Variants in CACNA1E observed in about 807,000 individuals in gnomAD.
CACNA1E encodes calcium voltage-gated channel subunit alpha1 E.
Under a neutral mutation model 259.2 loss-of-function variants are expected in CACNA1E, and 40 were observed. That is an observed-to-expected ratio of 0.15 (90% CI 0.12 to 0.20). The LOEUF is 0.20. Among genes scored for constraint, CACNA1E ranks in the 10% least tolerant of loss-of-function variants. The pLI, the probability that CACNA1E is intolerant of heterozygous loss-of-function variation, is 1.00. For missense variants in CACNA1E, 1,874 were observed against 3,040.1 expected, an observed-to-expected ratio of 0.62 and a Z score of 9.02; for synonymous variants, 1,104 against 1,138.5, an observed-to-expected ratio of 0.97 and a Z score of 0.61.
chr1:181,430,631 A>G (rs1371393582), intron 2 of CACNA1E, among the ~76,000 whole-genome samples: 1 of 152,176 alleles, frequency 6.6e-6, no homozygotes, highest in Non-Finnish European at 1.5e-5. Flanking sequence ...GTTGGGCCTT[A>G]CTTGCTTGTC....
rs1653809196 is a variant in CACNA1E at position 181,602,196 on chromosome 1, T to TC, written c.951+21420_951+21421insC. Reference sequence around the variant, plus strand: ...TTGCCTGTTTATTTTGTCTATTGGCTAAGTGATCCCACTAGAGTACAAGCT... The same window carrying TC: ...TTGCCTGTTTATTTTGTCTATTGGCTCAAGTGATCCCACTAGAGTACAAGCT... On this transcript the variant is annotated intron_variant, in intron 6 of 47. Transcript: ENST00000367573. 3.3e-5 allele frequency among the ~76,000 whole-genome samples: 5 copies of TC among 152,228 alleles called. No homozygotes were observed. In the South Asian group the frequency reaches 1.0e-3, roughly 32 times the overall value.
intron 6 of CACNA1E, among the ~76,000 whole-genome samples, chr1:181,618,456 T>C (rs1340165756): frequency 6.6e-6 from 1 of 152,088 alleles, no homozygotes; most frequent in Non-Finnish European, 1.5e-5. Flanking sequence ...TCCTGGTCAC[T>C]CGGGAGGCTG....
chr1:181,744,524 C>T (rs1487195159), intron 25 of CACNA1E, among the ~76,000 whole-genome samples: 2 of 152,322 alleles, frequency 1.3e-5, no homozygotes, highest in East Asian at 3.9e-4. Context: ...AATGCTCGTA[C>T]ACACTCACGC....
At chr1:181,756,128 G>C (rs1386530930) in intron 29 of CACNA1E, 35 bp downstream of exon 29, 6 of 1,582,772 alleles carry the variant, frequency 3.8e-6, no homozygotes, top group South Asian at 1.1e-5. Context: ...GTCTGTGGCT[G>C]TGATAGGACC....
intron 42 of CACNA1E, 56 bp from the exon 43 acceptor site, chr1:181,785,657 C>A: frequency 8.2e-7 from 1 of 1,223,848 alleles, no homozygotes; most frequent in Non-Finnish European, 1.2e-6. Context: ...ATTTTCCCCA[C>A]AGCAAACTCC....
At chr1:181,560,132 AC>A (rs1649166505) in intron 3 of CACNA1E, among the ~76,000 whole-genome samples, 1 of 152,090 alleles carries the variant, frequency 6.6e-6, no homozygotes, top group African/African-American at 2.4e-5. Context: ...ATCCAGGCCC[AC>A]CTAGACAGGG....
intron 1 of CACNA1E, among the ~76,000 whole-genome samples, chr1:181,509,362 A>G (rs1192064821): frequency 6.6e-6 from 1 of 152,142 alleles, no homozygotes; most frequent in African/African-American, 2.4e-5. Context: ...ACAGGGTTCC[A>G]GGCCCTGCAC....
chr1:181,393,677 C>A (rs964299902), intron 1 of CACNA1E, among the ~76,000 whole-genome samples: 1 of 152,124 alleles, frequency 6.6e-6, no homozygotes, highest in African/African-American at 2.4e-5. Context: ...AGGCTGGTCT[C>A]GAACTCCTGA....
chr1:181,498,440 A>G (rs1351339996), intron 1 of CACNA1E, among the ~76,000 whole-genome samples: 5 of 152,160 alleles, frequency 3.3e-5, no homozygotes, highest in Non-Finnish European at 4.4e-5. Flanking sequence ...AAGTATTTCC[A>G]TGGACTCTAG....
chr1:181,412,690 T>G (rs1304112083), intron 1 of CACNA1E, among the ~76,000 whole-genome samples: 1 of 152,134 alleles, frequency 6.6e-6, no homozygotes, highest in Non-Finnish European at 1.5e-5. Flanking sequence ...GAGGGATTCT[T>G]CTACCAAAAA....
intron 3 of CACNA1E, among the ~76,000 whole-genome samples, chr1:181,537,767 T>A (rs1368921684): frequency 6.6e-6 from 1 of 152,212 alleles, no homozygotes; most frequent in Non-Finnish European, 1.5e-5. Flanking sequence ...TGCAAACACA[T>A]CTAATGCCTC....
chr1:181,396,959 A>G (rs1656721685), intron 1 of CACNA1E, among the ~76,000 whole-genome samples: 1 of 152,200 alleles, frequency 6.6e-6, no homozygotes, highest in Admixed American at 6.5e-5. Flanking sequence ...TCCAGCCTGC[A>G]GAAGATGCCT....
At chr1:181,746,968 A>G (rs964096531) in intron 25 of CACNA1E, among the ~76,000 whole-genome samples, 16 of 152,260 alleles carry the variant, frequency 1.1e-4, no homozygotes, top group African/African-American at 3.6e-4. Flanking sequence ...TAAGCATTAA[A>G]TAAGGTAAAA....
chr1:181,776,555 TTTGAG>T lies in CACNA1E; in HGVS notation c.5267+330_5267+334del, dbSNP rs1471404016. ...TTTCTGCCAATGGTTAGTGGACTCC[TTTGAG>T]TTATCAGGGGGTTTGACAAGGGTTT... is the stretch of plus-strand genomic sequence containing the variant. On this transcript the variant is annotated intron_variant, in intron 38 of 47. Transcript: ENST00000367573. This position sits in a 1 kb window ranked among gnomAD's most constrained non-coding sequence, Gnocchi z 4.4. Among the ~76,000 whole-genome samples, 2 of 152,256 alleles carry T rather than the reference TTTGAG, an allele frequency of 1.3e-5. No individual in the cohort carries two copies. The highest frequency in any genetic ancestry group is 2.9e-5 in the Non-Finnish European group (2 of 68,034).
intron 7 of CACNA1E, among the ~76,000 whole-genome samples, chr1:181,693,379 C>G (rs990262458): frequency 3.9e-5 from 6 of 152,028 alleles, no homozygotes; most frequent in Middle Eastern, 3.2e-3. Context: ...GCACTATTTA[C>G]AACAGCAAAG....
intron 2 of CACNA1E, among the ~76,000 whole-genome samples, chr1:181,437,081 A>G (rs144236173): frequency 4.2e-4 from 64 of 152,342 alleles, no homozygotes; most frequent in African/African-American, 1.4e-3. Flanking sequence ...CAATAACTGC[A>G]TGTTTCTAGT....
intron 3 of CACNA1E, among the ~76,000 whole-genome samples, chr1:181,540,799 A>G (rs72731271): frequency 0.061 from 9,220 of 152,298 alleles, 403 homozygotes; most frequent in Non-Finnish European, 0.089. Context: ...CCTGGTATTA[A>G]AACAGTCAGG....
chr1:181,602,155 G>C (rs554794245), intron 6 of CACNA1E, among the ~76,000 whole-genome samples: 6 of 152,114 alleles, frequency 3.9e-5, no homozygotes, highest in Admixed American at 6.6e-5. Flanking sequence ...TATCACTAGC[G>C]ACCACAGTAT....
chr1:181,454,528 A>G (rs900385525), intron 2 of CACNA1E, among the ~76,000 whole-genome samples: 2 of 152,216 alleles, frequency 1.3e-5, no homozygotes, highest in African/African-American at 2.4e-5. Flanking sequence ...TCCCCTTCAC[A>G]TAGTTGCTAC....
Sources: allele counts gnomAD v4.1 joint callset (sites outside exome capture counted in the v4.1 genomes callset), GRCh38; gene constraint gnomAD v4.1.1; non-coding constraint Gnocchi (gnomAD v3.1); transcripts MANE v1.5; gene names NCBI Gene and HGNC (gene_info 2026-07-23, HGNC 2026-07-21).